The following ACCSL variants were observed in gnomAD, a reference collection of about 807,000 sequenced individuals.
ACCSL encodes 1-aminocyclopropane-1-carboxylate synthase homolog (inactive) like, also known as probable inactive 1-aminocyclopropane-1-carboxylate synthase-like protein 2.
Under a neutral mutation model 61.7 loss-of-function variants are expected in ACCSL, and 55 were observed. That is an observed-to-expected ratio of 0.89 (90% CI 0.72 to 1.12). The LOEUF (loss-of-function observed/expected upper bound fraction) is 1.12. Ranked by LOEUF, ACCSL falls within the 50% of genes most tolerant of loss-of-function variation. ACCSL has a pLI of 0.00. For synonymous variants in ACCSL, 258 were observed against 264.3 expected, an observed-to-expected ratio of 0.98 and a Z score of 0.23; for missense variants, 632 against 698.0, an observed-to-expected ratio of 0.91 and a Z score of 1.07.
chr11:44,049,949 T>C lies in ACCSL; in HGVS notation c.505-113T>C, dbSNP rs1276607865. ...TCCTAACGTGTAAAGTTGTCAAATT[T>C]GGATTGAATTGCCTCATAGGCAGTG... On this transcript the variant is annotated intron_variant, in intron 1 of 13. Coordinates refer to ENST00000378832, the MANE Select transcript of ACCSL (RefSeq NM_001031854.2). 4 of 1,419,086 alleles carry C rather than the reference T, an allele frequency of 2.8e-6. No individual in the cohort carries two copies. In the Admixed American group the frequency reaches 5.4e-5, roughly 19 times the overall value. The allele number at this position is 1,419,086 out of a possible 1,614,324, so 87.9% of individuals were successfully genotyped here.
At chr11:44,027,614 A>C in the ACCSL span, among the ~76,000 whole-genome samples, 1 of 152,106 alleles carries the variant, frequency 6.6e-6, no homozygotes, top group East Asian at 1.9e-4. Flanking sequence ...AGATTGGTGA[A>C]GGTTAAAGGA....
the ACCSL span, among the ~76,000 whole-genome samples, chr11:44,000,425 CCT>C: frequency 4.3e-5 from 6 of 139,896 alleles, no homozygotes; most frequent in African/African-American, 5.2e-5. Flanking sequence ...CACCTGGCCC[CCT>C]GTCTCTATTT....
chr11:44,023,759 T>C, the ACCSL span, among the ~76,000 whole-genome samples: 1 of 152,172 alleles, frequency 6.6e-6, no homozygotes, highest in Non-Finnish European at 1.5e-5. Flanking sequence ...TTGAGAGCTT[T>C]CTTTTTTAAA....
the ACCSL span, among the ~76,000 whole-genome samples, chr11:44,023,113 C>A: frequency 7.2e-6 from 1 of 138,846 alleles, no homozygotes; most frequent in Non-Finnish European, 1.5e-5. Flanking sequence ...GTGGCACCAT[C>A]ATGGCTCACT....
At chr11:44,054,507 A>G (rs1379993938) in intron 8 of ACCSL, among the ~76,000 whole-genome samples, 1 of 148,346 alleles carries the variant, frequency 6.7e-6, no homozygotes, top group Non-Finnish European at 1.5e-5. Context: ...CCCAGGCTGG[A>G]GTGCAGTGGT....
At chr11:43,946,088 G>A in the ACCSL span, among the ~76,000 whole-genome samples, 18 of 152,156 alleles carry the variant, frequency 1.2e-4, 1 homozygote, top group South Asian at 3.3e-3. Context: ...TGTTGTTGTT[G>A]TTTGTTTGTT....
the ACCSL span, among the ~76,000 whole-genome samples, chr11:44,042,636 T>G: frequency 7.5e-4 from 110 of 147,438 alleles, no homozygotes; most frequent in Middle Eastern, 0.01. Flanking sequence ...GTTTTTTTTT[T>G]GTTTGTTTTG....
the ACCSL span, among the ~76,000 whole-genome samples, chr11:43,958,072 G>C: frequency 6.6e-6 from 1 of 152,206 alleles, no homozygotes; most frequent in Non-Finnish European, 1.5e-5. Flanking sequence ...TTAGTGTATA[G>C]TTTATATAAT....
At chr11:43,927,145 C>A in the ACCSL span, among the ~76,000 whole-genome samples, 2 of 152,196 alleles carry the variant, frequency 1.3e-5, no homozygotes, top group African/African-American at 4.8e-5. Flanking sequence ...GTTTTGGGGC[C>A]TTTTTCTACT....
chr11:44,015,041 A>G, the ACCSL span, among the ~76,000 whole-genome samples: 2 of 152,232 alleles, frequency 1.3e-5, no homozygotes, highest in South Asian at 4.1e-4. Flanking sequence ...ATCAGCTGCC[A>G]TAATCACAGG....
At chr11:44,028,122 T>C in the ACCSL span, among the ~76,000 whole-genome samples, 1 of 152,018 alleles carries the variant, frequency 6.6e-6, no homozygotes, top group South Asian at 2.1e-4. Context: ...GCTATGATCA[T>C]GCCACCGTAC....
the ACCSL span, among the ~76,000 whole-genome samples, chr11:44,000,626 T>C: frequency 2.7e-5 from 4 of 146,586 alleles, no homozygotes; most frequent in East Asian, 5.9e-4. Context: ...GCCCCCTGTC[T>C]CTATTAAAAA....
the ACCSL span, among the ~76,000 whole-genome samples, chr11:43,968,528 G>T: frequency 1.3e-5 from 2 of 152,202 alleles, no homozygotes; most frequent in Non-Finnish European, 1.5e-5. Context: ...TCCAGGAAAA[G>T]AAGAAGATAT....
the ACCSL span, among the ~76,000 whole-genome samples, chr11:43,990,681 T>C: frequency 6.6e-6 from 1 of 152,216 alleles, no homozygotes; most frequent in Admixed American, 6.5e-5. Flanking sequence ...TCCAATTCTT[T>C]GGGATTGCTT....
Position 44,058,612 on chromosome 11 carries a change from T to C in ACCSL, c.1537T>C (p.Leu513=), listed in dbSNP as rs750225277. 8 of 1,614,144 alleles carry C rather than the reference T, an allele frequency of 5.0e-6. No individual in the cohort carries two copies. The highest frequency in any genetic ancestry group is 6.8e-6 in the Non-Finnish European group (8 of 1,180,024). ...TTGCCGCTTCCTGGACAACAAGCTA[T>C]TGTTATCCCGTGGCAAAACCTACAT... ...LYCRFLDNKL[L]LSRGKTYMCK... The change falls in exon 13 of 14, where the codon TTG becomes CTG. Residue 513 remains leucine, a synonymous_variant. Transcript: ENST00000378832.
chr11:44,004,524 G>A, the ACCSL span, among the ~76,000 whole-genome samples: 1 of 152,154 alleles, frequency 6.6e-6, no homozygotes, highest in African/African-American at 2.4e-5. Context: ...ATAAAAGCCT[G>A]TCTGCGACTC....
At chr11:43,968,379 C>A in the ACCSL span, among the ~76,000 whole-genome samples, 1 of 151,958 alleles carries the variant, frequency 6.6e-6, no homozygotes, top group East Asian at 1.9e-4. Context: ...CCAACCCCCG[C>A]AAGCAATCTC....
chr11:44,011,232 C>A, the ACCSL span, among the ~76,000 whole-genome samples: 1 of 152,196 alleles, frequency 6.6e-6, no homozygotes, highest in Non-Finnish European at 1.5e-5. Flanking sequence ...GGTACATCCT[C>A]CCTGACCTCC....
chr11:44,039,589 A>G, the ACCSL span, among the ~76,000 whole-genome samples: 1,300 of 152,316 alleles, frequency 8.5e-3, 12 homozygotes, highest in Non-Finnish European at 0.014. Context: ...CCAAAGTCTC[A>G]CAAATCATCA....
Sources: gnomAD v4.1 joint callset for allele counts (sites outside exome capture counted in the v4.1 genomes callset) on GRCh38, gnomAD v4.1.1 for gene constraint, MANE v1.5 for transcripts, NCBI Gene and HGNC (gene_info 2026-07-23, HGNC 2026-07-21) for gene names.